Variants in PLEKHH2 observed in about 807,000 individuals in gnomAD.
PLEKHH2 encodes pleckstrin homology domain-containing family H member 2.
In PLEKHH2, 129 loss-of-function variants were observed where a neutral mutation model predicts 187.9. The ratio of observed to expected loss-of-function variants is 0.69; its 90% CI spans 0.59 to 0.79. PLEKHH2 has a LOEUF of 0.79. Among genes scored for constraint, PLEKHH2 ranks in the 30% least tolerant of loss-of-function variants. The pLI is 0.00. For missense variants in PLEKHH2, 2,076 were observed against 1,751.2 expected, an observed-to-expected ratio of 1.19 and a Z score of -3.31; for synonymous variants, 686 against 605.6, an observed-to-expected ratio of 1.13 and a Z score of -1.95.
intron 1 of PLEKHH2, among the ~76,000 whole-genome samples, chr2:43,641,998 C>T (rs1393746375): frequency 2.6e-5 from 4 of 152,122 alleles, no homozygotes; most frequent in Non-Finnish European, 4.4e-5. Flanking sequence ...ATCAGCTTGT[C>T]AATTTCTGCA....
chr2:43,645,396 G>A (rs1666136558), intron 2 of PLEKHH2, among the ~76,000 whole-genome samples: 1 of 152,046 alleles, frequency 6.6e-6, no homozygotes, highest in African/African-American at 2.4e-5. Context: ...CTAATTATGT[G>A]TTAGACACCG....
chr2:43,650,803 G>A (rs13001357), intron 2 of PLEKHH2, among the ~76,000 whole-genome samples: 84,647 of 151,084 alleles, frequency 0.56, 24,074 homozygotes, highest in Middle Eastern at 0.66. Context: ...GCATCACCAT[G>A]CCTGGCTAAT....
At chr2:43,650,697 G>A (rs1666424499) in intron 2 of PLEKHH2, among the ~76,000 whole-genome samples, 1 of 150,336 alleles carries the variant, frequency 6.7e-6, no homozygotes, top group Non-Finnish European at 1.5e-5. Context: ...CCAAGCTGGA[G>A]TGCAGTGGTA....
chr2:43,765,773 A>G lies in PLEKHH2; in HGVS notation c.*175A>G, dbSNP rs111711208. 2.5e-5 allele frequency: 14 copies of G among 571,040 alleles called. No homozygotes were observed. Among genetic ancestry groups the G allele is most frequent in the African/African-American group, 2.1e-4 (11 of 52,742 alleles). The allele number at this position is 571,040 out of a possible 1,614,324, so 35.4% of individuals were successfully genotyped here. A position where few individuals can be genotyped will look rare whatever the true frequency, so the allele number is the denominator to read the frequency against. Reference sequence around the variant, plus strand: ...CTTAAATATTCAAATAAATATTAACAGTAAAACATAAACACAAAATTTGCC... The same window carrying G: ...CTTAAATATTCAAATAAATATTAACGGTAAAACATAAACACAAAATTTGCC... On this transcript the variant is annotated 3_prime_UTR_variant, in exon 30 of 30. Coordinates refer to ENST00000282406, the MANE Select transcript of PLEKHH2 (RefSeq NM_172069.4).
intron 14 of PLEKHH2, chr2:43,711,246 A>G: frequency 1.0e-6 from 1 of 985,490 alleles, no homozygotes; most frequent in African/African-American, 1.7e-5. Flanking sequence ...GTGGAGGACA[A>G]CTTTGCCAGA....
At chr2:43,718,011 GA>G (rs1670296128) in intron 15 of PLEKHH2, among the ~76,000 whole-genome samples, 1 of 152,164 alleles carries the variant, frequency 6.6e-6, no homozygotes, top group African/African-American at 2.4e-5. Context: ...GGGAAGGAGA[GA>G]ATACCATAGG....
chr2:43,680,962 T>C (rs1209181418), intron 3 of PLEKHH2: 1 of 1,054,060 alleles, frequency 9.5e-7, no homozygotes, highest in African/African-American at 1.6e-5. Flanking sequence ...CTACATACAC[T>C]GGATTTCTAG....
intron 2 of PLEKHH2, among the ~76,000 whole-genome samples, chr2:43,678,605 C>T (rs895270897): frequency 6.6e-6 from 1 of 152,044 alleles, no homozygotes; most frequent in Non-Finnish European, 1.5e-5. Context: ...AGGCACTCGG[C>T]AGGCTGAGGC....
chr2:43,649,821 A>G (rs921532398), intron 2 of PLEKHH2, among the ~76,000 whole-genome samples: 4 of 152,232 alleles, frequency 2.6e-5, no homozygotes, highest in African/African-American at 7.2e-5. Context: ...GACACGTGGC[A>G]GGGAACTGCT....
chr2:43,736,057 GTTATTA>G (rs201336807), intron 19 of PLEKHH2, among the ~76,000 whole-genome samples: 1 of 151,802 alleles, frequency 6.6e-6, no homozygotes, highest in Non-Finnish European at 1.5e-5. Flanking sequence ...CATAAAGTTT[GTTATTA>G]TTATTATTAT....
chr2:43,748,760 CTTT>C (rs35066741), intron 24 of PLEKHH2, among the ~76,000 whole-genome samples: 1 of 146,660 alleles, frequency 6.8e-6, no homozygotes. Context: ...TTCAGGCATT[CTTT>C]TTTTTTTTTT....
intron 2 of PLEKHH2, among the ~76,000 whole-genome samples, chr2:43,655,955 A>G (rs1666736894): frequency 7.0e-6 from 1 of 141,878 alleles, no homozygotes; most frequent in Admixed American, 7.3e-5. Flanking sequence ...TCTGGAATGT[A>G]TCTTAGTGAT....
intron 2 of PLEKHH2, among the ~76,000 whole-genome samples, chr2:43,648,634 G>A (rs975025738): frequency 6.6e-6 from 1 of 151,452 alleles, no homozygotes; most frequent in African/African-American, 2.4e-5. Context: ...AGGCTGGAGT[G>A]CAGTTGCGCA....
chr2:43,750,342 T>A (rs1161650753), intron 24 of PLEKHH2, among the ~76,000 whole-genome samples: 1 of 152,106 alleles, frequency 6.6e-6, no homozygotes, highest in African/African-American at 2.4e-5. Flanking sequence ...CATGGTGGCA[T>A]GCGCCTGTAG....
chr2:43,726,581 C>T lies in PLEKHH2; in HGVS notation c.2721+130C>T, dbSNP rs879084641. 2.2e-5 allele frequency: 17 copies of T among 784,244 alleles called. No homozygotes were observed. The South Asian group carries it at 2.8e-4, about 13-fold the overall frequency. The allele number at this position is 784,244 out of a possible 1,614,324, so 48.6% of individuals were successfully genotyped here. A position where few individuals can be genotyped will look rare whatever the true frequency, so the allele number is the denominator to read the frequency against. On this transcript the variant is annotated intron_variant, in intron 17 of 29. Coordinates refer to ENST00000282406, the MANE Select transcript of PLEKHH2 (RefSeq NM_172069.4). ...TGCTATAGACTTTCACCTCTGTTTT[C>T]AGAGATTCTTTACCTCCCTGGAAAT...
intron 3 of PLEKHH2, among the ~76,000 whole-genome samples, chr2:43,691,572 G>C (rs1668797759): frequency 6.6e-6 from 1 of 152,188 alleles, no homozygotes; most frequent in South Asian, 2.1e-4. Flanking sequence ...ACCAGGGACT[G>C]TTTCCAGCTT....
chr2:43,734,484 C>A (rs977355440), intron 19 of PLEKHH2, among the ~76,000 whole-genome samples: 1 of 152,226 alleles, frequency 6.6e-6, no homozygotes, highest in African/African-American at 2.4e-5. Flanking sequence ...AAATGGCCAA[C>A]AAGTATATGA....
chr2:43,726,650 G>C (rs921299823), intron 17 of PLEKHH2, among the ~76,000 whole-genome samples, 199 bp downstream of exon 17: 19 of 152,156 alleles, frequency 1.2e-4, no homozygotes, highest in Non-Finnish European at 1.5e-4. Context: ...GTTGGTAAGA[G>C]TGGTATCAAG....
intron 22 of PLEKHH2, 126 bp from the exon 23 acceptor site, chr2:43,743,708 G>A: frequency 1.1e-6 from 1 of 941,480 alleles, no homozygotes; most frequent in Non-Finnish European, 1.4e-6. Flanking sequence ...GGGAAAAAAA[G>A]TTGAAGCACC....
Sources: gnomAD v4.1 joint callset for allele counts (sites outside exome capture counted in the v4.1 genomes callset) on GRCh38, gnomAD v4.1.1 for gene constraint, MANE v1.5 for transcripts, NCBI Gene and HGNC (gene_info 2026-07-23, HGNC 2026-07-21) for gene names.